ADGRG2: variants seen among roughly 807,000 people sequenced by gnomAD.
ADGRG2 encodes the protein adhesion G protein-coupled receptor G2, also known as G protein-coupled receptor 64.
ADGRG2 carries 26 observed loss-of-function variants against 74.1 expected under a neutral mutation model. The ratio of observed to expected loss-of-function variants is 0.35; its 90% CI spans 0.26 to 0.49. The LOEUF (loss-of-function observed/expected upper bound fraction) is 0.49, where lower values mean the gene tolerates loss of function less well. Ranked by LOEUF, ADGRG2 falls within the 20% of genes least tolerant of loss-of-function variation. The pLI is 0.99. For synonymous variants in ADGRG2, 296 were observed against 295.2 expected, an observed-to-expected ratio of 1.00 and a Z score of -0.03; for missense variants, 619 against 763.1, an observed-to-expected ratio of 0.81 and a Z score of 2.22.
chrX:19,052,243 C>G (rs5909270), intron 3 of ADGRG2, among the ~76,000 whole-genome samples: 5,113 of 111,837 alleles, frequency 0.046, 140 homozygotes, highest in Non-Finnish European at 0.074. Context: ...GTCTGGCCAC[C>G]TGAGAGGCTG....
chrX:19,055,135 G>A (rs911328405), intron 3 of ADGRG2, among the ~76,000 whole-genome samples: 6 of 111,962 alleles, frequency 5.4e-5, no homozygotes, highest in African/African-American at 1.3e-4. Context: ...CTGCCTGTCC[G>A]ATAGATGTCG....
At chrX:19,038,377 C>A (rs936762486) in intron 4 of ADGRG2, among the ~76,000 whole-genome samples, 3 of 112,160 alleles carry the variant, frequency 2.7e-5, no homozygotes, top group Non-Finnish European at 5.6e-5. Flanking sequence ...TGTCAAGGCA[C>A]TTTGGCTGGC....
intron 3 of ADGRG2, among the ~76,000 whole-genome samples, chrX:19,050,406 C>T (rs957096692): frequency 8.9e-6 from 1 of 111,773 alleles, no homozygotes; most frequent in Non-Finnish European, 1.9e-5. Context: ...CAGAAGTCTG[C>T]GAGCATAGAA....
chrX:19,068,179 A>G (rs1202132715), intron 3 of ADGRG2, among the ~76,000 whole-genome samples: 3 of 112,494 alleles, frequency 2.7e-5, no homozygotes, highest in Non-Finnish European at 5.6e-5. Context: ...CCATGTTCAT[A>G]GCAGCATTAT....
At chrX:19,100,490 G>C (rs981454621) in intron 1 of ADGRG2, among the ~76,000 whole-genome samples, 4 of 112,873 alleles carry the variant, frequency 3.5e-5, no homozygotes, top group African/African-American at 1.3e-4. Context: ...GCCAACCCCT[G>C]GCCTAGAAAA....
chrX:18,995,730 G>A lies in ADGRG2; in HGVS notation c.2716+321C>T, dbSNP rs1001724809. On this transcript the variant is annotated intron_variant, in intron 27 of 28. Coordinates refer to ENST00000379869, the MANE Select transcript of ADGRG2 (RefSeq NM_001079858.3). ...AGTTGAGATTTTAAAAATTACCAAG[G>A]TAAATATTAAAAATTACTTTGGGAA... Among the ~76,000 whole-genome samples, 13 of 111,640 alleles carry A rather than the reference G, an allele frequency of 1.2e-4. No homozygotes were observed. The Admixed American group carries it at 1.2e-3, about 11-fold the overall frequency.
intron 1 of ADGRG2, among the ~76,000 whole-genome samples, chrX:19,111,943 G>C (rs2062419732): frequency 9.0e-6 from 1 of 111,023 alleles, no homozygotes; most frequent in South Asian, 3.8e-4. Flanking sequence ...CAATAAATAG[G>C]GGAGAAGGAA....
intron 3 of ADGRG2, among the ~76,000 whole-genome samples, chrX:19,042,376 A>G (rs2061086104): frequency 9.0e-6 from 1 of 110,951 alleles, no homozygotes; most frequent in Non-Finnish European, 1.9e-5. Context: ...GCACCTGGGA[A>G]GAGTTAGGTA....
chrX:19,041,949 A>G (rs79373949), intron 3 of ADGRG2, among the ~76,000 whole-genome samples: 1 of 110,936 alleles, frequency 9.0e-6, no homozygotes, highest in African/African-American at 3.3e-5. Flanking sequence ...AGCTGGGACC[A>G]TAGGTACGCA....
chrX:19,024,364 T>A (rs1344576641), intron 11 of ADGRG2, among the ~76,000 whole-genome samples: 1 of 111,408 alleles, frequency 9.0e-6, no homozygotes, highest in African/African-American at 3.3e-5. Flanking sequence ...TGACCTGGTC[T>A]GCCCTCTCTG....
At chrX:19,053,624 A>T (rs1160421230) in intron 3 of ADGRG2, among the ~76,000 whole-genome samples, 3 of 112,189 alleles carry the variant, frequency 2.7e-5, no homozygotes, top group Non-Finnish European at 5.6e-5. Flanking sequence ...CACGAAGATA[A>T]GTGTAACAGG....
intron 13 of ADGRG2, among the ~76,000 whole-genome samples, chrX:19,022,165 G>A (rs1046094347): frequency 4.6e-5 from 5 of 109,478 alleles, no homozygotes; most frequent in Non-Finnish European, 7.6e-5. Context: ...TCAGGAGGCT[G>A]GGGCAGGGAG....
intron 12 of ADGRG2, 48 bp downstream of exon 12, chrX:19,023,861 A>C: frequency 1.1e-6 from 1 of 881,161 alleles, no homozygotes; most frequent in South Asian, 2.0e-5. Context: ...GCTTTCCCCC[A>C]GGTCATAACA....
At chrX:19,121,078 G>A (rs1324046938) in intron 1 of ADGRG2, among the ~76,000 whole-genome samples, 1 of 111,189 alleles carries the variant, frequency 9.0e-6, no homozygotes, top group East Asian at 2.8e-4. Flanking sequence ...CCCTTTAAAG[G>A]TCTGAAAGAA....
chrX:19,068,711 C>T lies in ADGRG2; in HGVS notation c.118+6G>A. On this transcript the variant is annotated splice_donor_region_variant and intron_variant, in intron 3 of 28. Coordinates refer to ENST00000379869, the MANE Select transcript of ADGRG2 (RefSeq NM_001079858.3). Reference sequence around the variant, plus strand: ...AAAAAAAAATGAAGAAAAACAGACACATTACCTTCCAGGGATGTTACCAGA... The same window carrying T: ...AAAAAAAAATGAAGAAAAACAGACATATTACCTTCCAGGGATGTTACCAGA... 1 of 823,773 alleles carries T rather than the reference C, an allele frequency of 1.2e-6. No individual in the cohort carries two copies. Among genetic ancestry groups the T allele is most frequent in the South Asian group, 2.7e-5 (1 of 37,370 alleles). The allele number at this position is 823,773 out of a possible 1,213,427, so 67.9% of individuals were successfully genotyped here. A position where few individuals can be genotyped will look rare whatever the true frequency, so the allele number is the denominator to read the frequency against.
At chrX:19,017,982 C>T (rs752057410) in intron 15 of ADGRG2, among the ~76,000 whole-genome samples, 5 of 111,555 alleles carry the variant, frequency 4.5e-5, no homozygotes, top group African/African-American at 1.6e-4. Context: ...CACCTGTGGT[C>T]ACATCATGTG....
At position 19,045,294 on chromosome X, in the gene ADGRG2, G is replaced by GTTGTTATTATTATTATTATTA. The variant is rs1555900997; in HGVS notation, c.119-5071_119-5070insTAATAATAATAATAATAACAA. 2.0e-3 allele frequency among the ~76,000 whole-genome samples: 186 copies of GTTGTTATTATTATTATTATTA among 95,378 alleles called. 1 individual carries two copies. The highest frequency in any genetic ancestry group is 6.7e-3 in the African/African-American group (174 of 25,867). The allele number at this position is 95,378 out of a possible 115,157, so 82.8% of individuals were successfully genotyped here. ...ATCGAATACAGAAATGGGGGGTGTTGTTATTATTATTATTATTATTATTAT... is the reference window on the plus strand; with the variant it reads ...ATCGAATACAGAAATGGGGGGTGTTGTTGTTATTATTATTATTATTATTATTATTATTATTATTATTATTAT... On this transcript the variant is annotated intron_variant, in intron 3 of 28. Transcript: ENST00000379869.
intron 1 of ADGRG2, among the ~76,000 whole-genome samples, chrX:19,100,727 G>T (rs2062173309): frequency 8.8e-6 from 1 of 113,378 alleles, no homozygotes; most frequent in Non-Finnish European, 1.9e-5. Flanking sequence ...ACATACTAGG[G>T]ATGTTATAAA....
At chrX:19,114,071 CAA>C (rs60491802) in intron 1 of ADGRG2, among the ~76,000 whole-genome samples, 2 of 27,020 alleles carry the variant, frequency 7.4e-5, no homozygotes, top group Middle Eastern at 0.018. Context: ...GAATCTGTCT[CAA>C]AAAAAAAAAA....
Sources: allele counts gnomAD v4.1 joint callset (sites outside exome capture counted in the v4.1 genomes callset), GRCh38; gene constraint gnomAD v4.1.1; transcripts MANE v1.5; gene names NCBI Gene and HGNC (gene_info 2026-07-23, HGNC 2026-07-21).